ANK3: variants seen among roughly 807,000 people sequenced by gnomAD.
ANK3 encodes ankyrin-3.
A neutral mutation model predicts 370.9 loss-of-function variants in ANK3; 57 were observed. The ratio of observed to expected loss-of-function variants is 0.15; its 90% CI spans 0.12 to 0.19. The LOEUF (loss-of-function observed/expected upper bound fraction) is 0.19. Ranked by LOEUF, ANK3 falls within the 10% of genes least tolerant of loss-of-function variation. The pLI, the probability that ANK3 is intolerant of heterozygous loss-of-function variation, is 1.00. For synonymous variants in ANK3, 1,929 were observed against 1,946.3 expected (o/e 0.99, Z 0.23); for missense variants, 4,439 against 5,302.1 (o/e 0.84, Z 5.06).
chr10:60,330,976 T>G (rs2051112634), intron 1 of ANK3, among the ~76,000 whole-genome samples: 1 of 152,118 alleles, frequency 6.6e-6, no homozygotes, highest in African/African-American at 2.4e-5. Context: ...GGGACATGGA[T>G]GAAGCTGGAA....
intron 1 of ANK3, among the ~76,000 whole-genome samples, chr10:60,337,858 C>T (rs1364494762): frequency 6.6e-6 from 1 of 152,124 alleles, no homozygotes; most frequent in Non-Finnish European, 1.5e-5. Context: ...TATTGGAGTA[C>T]CATATTAGGA....
chr10:60,387,860 C>T (rs1451899897), intron 1 of ANK3, among the ~76,000 whole-genome samples: 3 of 152,104 alleles, frequency 2.0e-5, no homozygotes, highest in South Asian at 2.1e-4. Context: ...TCACTGCTAC[C>T]GAAAACTGCT....
chr10:60,437,288 G>A (rs909296961), intron 2 of ANK3, among the ~76,000 whole-genome samples: 1 of 152,074 alleles, frequency 6.6e-6, no homozygotes, highest in Non-Finnish European at 1.5e-5. Flanking sequence ...TTTTATGAAG[G>A]ATTAAAAAAA....
intron 2 of ANK3, among the ~76,000 whole-genome samples, chr10:60,452,643 T>C (rs1354315951): frequency 1.3e-5 from 2 of 152,248 alleles, no homozygotes; most frequent in African/African-American, 4.8e-5. Context: ...CCAAACTTTA[T>C]AAAGATACTC....
At position 60,176,198 on chromosome 10, in the gene ANK3, A is replaced by AAC. The variant is rs1313933908; in HGVS notation, c.2185-3013_2185-3012insGT. On this transcript the variant is annotated intron_variant, in intron 18 of 43. Transcript: ENST00000280772. ...AAAATACAAAAAAAAAAAAAAAACA[A>AAC]AAAAAAACAAAAAACAATTAGCCGG... Among the ~76,000 whole-genome samples, 152 of 146,550 alleles carry AAC rather than the reference A, an allele frequency of 1.0e-3. 4 individuals carry two copies. Among genetic ancestry groups the AAC allele is most frequent in the African/African-American group, 3.6e-3 (137 of 37,924 alleles).
Position 60,070,970 on chromosome 10 carries a change from G to T in ANK3, c.9911C>A (p.Pro3304Gln). The change falls in exon 37 of 44, where the codon CCA (proline) becomes CAA (glutamine). Residue 3304 changes from proline to glutamine, a missense_variant. Coordinates refer to ENST00000280772, the MANE Select transcript of ANK3 (RefSeq NM_020987.5). This position sits in a 1 kb window ranked among gnomAD's most constrained non-coding sequence, Gnocchi z 5.7. ...QLAEPVIRVQPPSPVPPGADV... is the reference protein window; with the variant it reads ...QLAEPVIRVQQPSPVPPGADV... ...TGCCCCGGGAGGAACTGGTGAAGGT[G>T]GCTGCACTCTAATGACAGGTTCAGC... The T allele has an allele frequency of 6.2e-7, 1 of 1,614,116 alleles. No homozygotes were observed. The highest frequency in any genetic ancestry group is 2.2e-5 in the East Asian group (1 of 44,884).
At position 60,169,364 on chromosome 10, in the gene ANK3, G is replaced by GTTTGTTTTTTTTTTTTTTT. The variant is rs397844967; in HGVS notation, c.2479-2469_2479-2468insAAAAAAAAAAAAAAACAAA. Among the ~76,000 whole-genome samples, 2 of 51,902 alleles carry GTTTGTTTTTTTTTTTTTTT rather than the reference G, an allele frequency of 3.9e-5. 1 individual carries two copies. The allele number at this position is 51,902 out of a possible 152,430, so 34.0% of individuals were successfully genotyped here. ...TCCATCAACTGGGGCTTGTCTCATAGTTTTTTTTTTTTTTTTTTTTTTTTA... is the reference window on the plus strand; with the variant it reads ...TCCATCAACTGGGGCTTGTCTCATAGTTTGTTTTTTTTTTTTTTTTTTTTTTTTTTTTTTTTTTTTTTTA... On this transcript the variant is annotated intron_variant, in intron 21 of 43. Coordinates refer to ENST00000280772, the MANE Select transcript of ANK3 (RefSeq NM_020987.5).
chr10:60,112,628 C>T (rs1022469155), intron 26 of ANK3, among the ~76,000 whole-genome samples: 1 of 152,142 alleles, frequency 6.6e-6, no homozygotes, highest in Admixed American at 6.6e-5. Flanking sequence ...AAGCATTCCT[C>T]TGAGTCTGAT....
At chr10:60,057,159 T>C (rs2079361815) in intron 41 of ANK3, among the ~76,000 whole-genome samples, 1 of 152,216 alleles carries the variant, frequency 6.6e-6, no homozygotes, top group Admixed American at 6.5e-5. Flanking sequence ...CATTTTTCTC[T>C]ACTCTTGACC....
At chr10:60,562,897 A>G (rs1470683870) in intron 2 of ANK3, among the ~76,000 whole-genome samples, 4 of 152,228 alleles carry the variant, frequency 2.6e-5, no homozygotes, top group Non-Finnish European at 1.5e-5. Flanking sequence ...TTAATTATTC[A>G]TATGATTAAC....
intron 2 of ANK3, among the ~76,000 whole-genome samples, chr10:60,429,404 C>A (rs1381345480): frequency 6.6e-6 from 1 of 152,088 alleles, no homozygotes; most frequent in Non-Finnish European, 1.5e-5. Context: ...AAAGAGGGTA[C>A]ACATATTCCA....
chr10:60,450,030 A>G (rs765403789), intron 2 of ANK3, among the ~76,000 whole-genome samples: 5 of 152,160 alleles, frequency 3.3e-5, no homozygotes, highest in Non-Finnish European at 7.3e-5. Flanking sequence ...GGGCACAGTG[A>G]CTCATGCTTA....
At chr10:60,122,356 C>A (rs552677144) in intron 25 of ANK3, among the ~76,000 whole-genome samples, 61 of 152,338 alleles carry the variant, frequency 4.0e-4, no homozygotes, top group African/African-American at 1.4e-3. Flanking sequence ...AAAGAGTGTG[C>A]CTGGCCTGGG....
At chr10:60,578,177 A>G (rs537009535) in intron 2 of ANK3, among the ~76,000 whole-genome samples, 2 of 152,336 alleles carry the variant, frequency 1.3e-5, no homozygotes, top group South Asian at 4.1e-4. Context: ...TTATTCAGCC[A>G]TATGCCCATT....
intron 2 of ANK3, chr10:60,507,381 C>T (rs923227509): frequency 3.9e-5 from 6 of 151,934 alleles, no homozygotes; most frequent in Non-Finnish European, 8.8e-5. Flanking sequence ...TTAGAATACT[C>T]GTAACATTGA....
intron 4 of ANK3, among the ~76,000 whole-genome samples, chr10:60,272,710 C>T (rs1432908942): frequency 6.6e-6 from 1 of 152,120 alleles, no homozygotes; most frequent in African/African-American, 2.4e-5. Flanking sequence ...GATCTCCTGA[C>T]CTCATGTTCC....
chr10:60,246,031 G>T (rs2097546582), intron 7 of ANK3, among the ~76,000 whole-genome samples: 1 of 152,030 alleles, frequency 6.6e-6, no homozygotes, highest in African/African-American at 2.4e-5. Flanking sequence ...CGAGGTAGAT[G>T]GATTACTTGA....
At chr10:60,191,144 A>G (rs1016305695) in intron 16 of ANK3, among the ~76,000 whole-genome samples, 1 of 152,202 alleles carries the variant, frequency 6.6e-6, no homozygotes, top group African/African-American at 2.4e-5. Context: ...AGAAGAAACC[A>G]TAAGAAAAAC....
At chr10:60,603,119 T>C (rs2078086535) in intron 2 of ANK3, among the ~76,000 whole-genome samples, 1 of 152,138 alleles carries the variant, frequency 6.6e-6, no homozygotes, top group Non-Finnish European at 1.5e-5. Context: ...GCATTCCCAA[T>C]TCATGTTTTA....
Sources: gnomAD v4.1 joint callset for allele counts (sites outside exome capture counted in the v4.1 genomes callset) on GRCh38, gnomAD v4.1.1 for gene constraint, Gnocchi (gnomAD v3.1) non-coding constraint, MANE v1.5 for transcripts, NCBI Gene and HGNC (gene_info 2026-07-23, HGNC 2026-07-21) for gene names.